Variants in PTPRN2 observed in about 807,000 individuals in gnomAD.
The protein encoded by PTPRN2 is protein tyrosine phosphatase receptor type N2.
PTPRN2 carries 74 observed loss-of-function variants against 118.8 expected under a neutral mutation model. That is an observed-to-expected ratio of 0.62 (90% CI 0.52 to 0.76). PTPRN2 has a LOEUF of 0.76. Among genes scored for constraint, PTPRN2 ranks in the 30% least tolerant of loss-of-function variants. The probability of loss-of-function intolerance (pLI) is 0.00; values close to 1 mark genes in which losing one functional copy is unlikely to be tolerated. For synonymous variants in PTPRN2, 641 were observed against 608.0 expected (o/e 1.05, Z -0.80); for missense variants, 1,481 against 1,394.4 (o/e 1.06, Z -0.99).
At chr7:157,659,306 G>A (rs534142276) in intron 13 of PTPRN2, among the ~76,000 whole-genome samples, 11 of 122,796 alleles carry the variant, frequency 9.0e-5, no homozygotes, top group East Asian at 2.4e-4. Flanking sequence ...CTGCGGGGAC[G>A]GGGGGGGATG....
chr7:158,534,408 C>A (rs544181743), intron 1 of PTPRN2, among the ~76,000 whole-genome samples: 1 of 151,624 alleles, frequency 6.6e-6, no homozygotes, highest in Non-Finnish European at 1.5e-5. Context: ...TTGTGACCAC[C>A]CATGCCCTGG....
At chr7:157,542,619 C>T (rs942123008) in intron 22 of PTPRN2, among the ~76,000 whole-genome samples, 1 of 152,180 alleles carries the variant, frequency 6.6e-6, no homozygotes, top group African/African-American at 2.4e-5. Flanking sequence ...GCAGGGGGAA[C>T]TCCACCAGGG....
At position 157,585,599 on chromosome 7, in the gene PTPRN2, C is replaced by G. The variant is rs529902905; in HGVS notation, c.2497-7459G>C. Among the ~76,000 whole-genome samples, 12 of 152,344 alleles carry G rather than the reference C, an allele frequency of 7.9e-5. 1 individual carries two copies. Among genetic ancestry groups the G allele is most frequent in the Middle Eastern group, 3.4e-3 (1 of 294 alleles). ...AGGCGTCACTGAGACTCCCTGTGGC[C>G]TCTGCCTGTGCTCACGTTCCCGGTT... On this transcript the variant is annotated intron_variant, in intron 17 of 22. Coordinates refer to ENST00000389418, the MANE Select transcript of PTPRN2 (RefSeq NM_002847.5). This position sits in a 1 kb window ranked among gnomAD's most constrained non-coding sequence, Gnocchi z 5.2.
intron 10 of PTPRN2, among the ~76,000 whole-genome samples, chr7:158,091,928 GT>G (rs1814199074): frequency 1.9e-5 from 1 of 53,936 alleles, no homozygotes; most frequent in Non-Finnish European, 4.0e-5. Context: ...GGTTGGGTGG[GT>G]GGGTGGATGG....
intron 3 of PTPRN2, among the ~76,000 whole-genome samples, chr7:158,249,443 CCATA>C (rs1163953635): frequency 4.7e-5 from 7 of 148,824 alleles, no homozygotes; most frequent in East Asian, 4.0e-4. Flanking sequence ...CACATGCACA[CCATA>C]CATACATGCA....
intron 1 of PTPRN2, among the ~76,000 whole-genome samples, chr7:158,521,489 G>A (rs1452736932): frequency 7.2e-5 from 11 of 152,360 alleles, no homozygotes; most frequent in East Asian, 3.8e-4. Flanking sequence ...ATCAGTTGAC[G>A]AATGATTTCT....
intron 2 of PTPRN2, among the ~76,000 whole-genome samples, chr7:158,356,183 A>G (rs1174220211): frequency 6.6e-6 from 1 of 152,228 alleles, no homozygotes; most frequent in Non-Finnish European, 1.5e-5. Flanking sequence ...TTCTGAAAAT[A>G]AAGACAATAC....
intron 12 of PTPRN2, among the ~76,000 whole-genome samples, chr7:157,728,038 C>T (rs187492490): frequency 2.0e-3 from 304 of 152,238 alleles, no homozygotes; most frequent in African/African-American, 6.7e-3. Flanking sequence ...CTGCCTCTCC[C>T]GTCTACACCT....
intron 12 of PTPRN2, among the ~76,000 whole-genome samples, chr7:157,810,590 G>A (rs1242240347): frequency 3.7e-5 from 5 of 134,262 alleles, no homozygotes; most frequent in Non-Finnish European, 7.8e-5. Flanking sequence ...ATGGGGACAG[G>A]GACGGGGACG....
At position 158,022,608 on chromosome 7, in the gene PTPRN2, GCCCCGGC is replaced by G. The variant is rs1334725996; in HGVS notation, c.1723+58683_1723+58689del. Among the ~76,000 whole-genome samples, 10 of 143,802 alleles carry G rather than the reference GCCCCGGC, an allele frequency of 7.0e-5. No individual in the cohort carries two copies. Among genetic ancestry groups the G allele is most frequent in the Non-Finnish European group, 1.4e-4 (9 of 65,304 alleles). The allele number at this position is 143,802 out of a possible 152,430, so 94.3% of individuals were successfully genotyped here. On this transcript the variant is annotated intron_variant, in intron 11 of 22. Transcript: ENST00000389418. This position sits in a 1 kb window ranked among gnomAD's most constrained non-coding sequence, Gnocchi z 4.6. ...AGCCCGTAATGTGTTCATAGCCAAGGCCCCGGCACCCGGGCACTCTGTCTGGGGCAGC... is the reference window on the plus strand; with the variant it reads ...AGCCCGTAATGTGTTCATAGCCAAGGACCCGGGCACTCTGTCTGGGGCAGC...
intron 10 of PTPRN2, among the ~76,000 whole-genome samples, chr7:158,096,397 T>C (rs1207286553): frequency 1.3e-5 from 2 of 152,192 alleles, no homozygotes. Context: ...GGTCATATCA[T>C]TTCATACTAG....
At chr7:157,572,586 G>A (rs1310277144) in intron 19 of PTPRN2, among the ~76,000 whole-genome samples, 2 of 152,222 alleles carry the variant, frequency 1.3e-5, no homozygotes, top group South Asian at 2.1e-4. Flanking sequence ...TGAATACGGC[G>A]GAGCCCAAAC....
chr7:158,290,410 T>C (rs1339659405), intron 3 of PTPRN2, among the ~76,000 whole-genome samples: 1 of 152,102 alleles, frequency 6.6e-6, no homozygotes, highest in Non-Finnish European at 1.5e-5. Context: ...ATGTGGAGCC[T>C]GAGGCCAATG....
chr7:157,700,811 C>T (rs113152200), intron 12 of PTPRN2, among the ~76,000 whole-genome samples: 19 of 152,152 alleles, frequency 1.2e-4, no homozygotes, highest in Admixed American at 1.0e-3. Context: ...TCAGCGGCCG[C>T]GAGGGCACCC....
Position 158,205,256 on chromosome 7 carries a change from C to T in PTPRN2, c.295G>A (p.Asp99Asn). The change falls in exon 4 of 23, where the codon GAC becomes AAC. Residue 99 changes from aspartate (D) to asparagine (N), a missense_variant. Physicochemically the swap from Asp to Asn is conservative, Grantham distance 23. Around this residue, in one of 3 missense-constraint regions of PTPRN2, gnomAD observed 1,115 missense variants for 994.2 expected, o/e 1.12. Coordinates refer to ENST00000389418, the MANE Select transcript of PTPRN2 (RefSeq NM_002847.5). The stretch of plus-strand genomic sequence containing the variant: ...TGGTCCATCACATACTGAGTATAGT[C>T]ATCCTGCCACGTGAAACCTGTGGAC... ...LSGTGFTWQD[D>N]YTQYVMDQEL... The T allele has an allele frequency of 6.2e-7, 1 of 1,613,810 alleles. No homozygotes were observed. The highest frequency in any genetic ancestry group is 8.5e-7 in the Non-Finnish European group (1 of 1,179,946).
chr7:157,921,474 A>G (rs920502559), intron 11 of PTPRN2, among the ~76,000 whole-genome samples: 1 of 152,250 alleles, frequency 6.6e-6, no homozygotes, highest in African/African-American at 2.4e-5. Flanking sequence ...GGTTTATACC[A>G]TCTGAAACTC....
At chr7:158,419,498 C>T (rs1815076137) in intron 2 of PTPRN2, among the ~76,000 whole-genome samples, 1 of 152,076 alleles carries the variant, frequency 6.6e-6, no homozygotes, top group African/African-American at 2.4e-5. Flanking sequence ...TCGGAGGTGC[C>T]CAGCTCCACA....
chr7:158,426,268 A>T, intron 2 of PTPRN2, among the ~76,000 whole-genome samples: 1 of 1,112 alleles, frequency 9.0e-4, no homozygotes, highest in South Asian at 0.071. Flanking sequence ...CGCGGGGTCC[A>T]AGTGCAGCCT....
chr7:158,052,416 G>T (rs916782908), intron 11 of PTPRN2, among the ~76,000 whole-genome samples: 6 of 152,230 alleles, frequency 3.9e-5, no homozygotes, highest in Non-Finnish European at 1.5e-5. Context: ...GTTATTGGGG[G>T]AAGTTCTTAA....
Sources: gnomAD v4.1 joint callset for allele counts (sites outside exome capture counted in the v4.1 genomes callset) on GRCh38, gnomAD v4.1.1 for gene constraint, gnomAD v4.1.1 regional missense constraint, Gnocchi (gnomAD v3.1) non-coding constraint, MANE v1.5 for transcripts, NCBI Gene and HGNC (gene_info 2026-07-23, HGNC 2026-07-21) for gene names.